SLC24A3: variants seen among roughly 807,000 people sequenced by gnomAD.
SLC24A3 encodes the protein solute carrier family 24 member 3, also known as sodium/potassium/calcium exchanger 3.
Under a neutral mutation model 75.8 loss-of-function variants are expected in SLC24A3, and 28 were observed. The ratio of observed to expected loss-of-function variants is 0.37; its 90% CI spans 0.27 to 0.51. The LOEUF is 0.51. Ranked by LOEUF, SLC24A3 falls within the 20% of genes least tolerant of loss-of-function variation. SLC24A3 has a pLI of 0.94. For missense variants in SLC24A3, 663 were observed against 847.8 expected, an observed-to-expected ratio of 0.78 and a Z score of 2.71; for synonymous variants, 372 against 334.1, an observed-to-expected ratio of 1.11 and a Z score of -1.24.
chr20:19,257,829 ATT>A (rs1982862462), intron 1 of SLC24A3: 1 of 151,942 alleles, frequency 6.6e-6, no homozygotes, highest in African/African-American at 2.4e-5. Context: ...GCTTCTTTTG[ATT>A]TTTATATTTT....
chr20:19,315,879 C>G (rs1984573949), intron 2 of SLC24A3, among the ~76,000 whole-genome samples: 1 of 152,220 alleles, frequency 6.6e-6, no homozygotes, highest in South Asian at 2.1e-4. Context: ...GCATTTAATA[C>G]ATCTAACCTA....
At chr20:19,219,038 A>G (rs1250732532) in intron 1 of SLC24A3, among the ~76,000 whole-genome samples, 2 of 151,708 alleles carry the variant, frequency 1.3e-5, no homozygotes, top group African/African-American at 4.8e-5. Context: ...GCAATTATTT[A>G]TATTTATTGT....
chr20:19,534,284 C>T (rs750605344), intron 3 of SLC24A3, among the ~76,000 whole-genome samples: 3 of 152,224 alleles, frequency 2.0e-5, no homozygotes, highest in Non-Finnish European at 4.4e-5. Context: ...GTGGCCAGTC[C>T]ACTGGCCTCA....
chr20:19,603,115 A>G (rs1364369791), intron 6 of SLC24A3, among the ~76,000 whole-genome samples: 1 of 152,212 alleles, frequency 6.6e-6, no homozygotes, highest in Non-Finnish European at 1.5e-5. Context: ...TTCATCTACC[A>G]AAGTCCCAAG....
chr20:19,453,633 A>G (rs1488422753), intron 2 of SLC24A3, among the ~76,000 whole-genome samples: 3 of 152,200 alleles, frequency 2.0e-5, no homozygotes, highest in Non-Finnish European at 2.9e-5. Flanking sequence ...GTCAGTGTTG[A>G]AGTTCTACTT....
At chr20:19,639,957 C>T (rs1258068528) in intron 6 of SLC24A3, among the ~76,000 whole-genome samples, 6 of 152,254 alleles carry the variant, frequency 3.9e-5, no homozygotes, top group Admixed American at 2.0e-4. Flanking sequence ...CACGCCCACC[C>T]GGAACTCCAG....
intron 2 of SLC24A3, among the ~76,000 whole-genome samples, chr20:19,417,954 A>G (rs916079484): frequency 6.6e-6 from 1 of 152,158 alleles, no homozygotes; most frequent in African/African-American, 2.4e-5. Context: ...GGAGAAACCA[A>G]TCTGCTCAAA....
At chr20:19,585,653 C>A in intron 6 of SLC24A3, 109 bp downstream of exon 6, 1 of 1,079,900 alleles carries the variant, frequency 9.3e-7, no homozygotes, top group Non-Finnish European at 1.4e-6. Context: ...CATTAGGGCC[C>A]AGTGGTTTGG....
intron 2 of SLC24A3, among the ~76,000 whole-genome samples, chr20:19,370,688 A>T (rs1020902874): frequency 6.6e-6 from 1 of 152,246 alleles, no homozygotes; most frequent in Non-Finnish European, 1.5e-5. Flanking sequence ...AATCAGGTAG[A>T]GTAAAAATTT....
intron 1 of SLC24A3, among the ~76,000 whole-genome samples, chr20:19,242,058 A>G (rs1883941): frequency 0.16 from 24,285 of 152,086 alleles, 3,565 homozygotes; most frequent in East Asian, 0.81. Flanking sequence ...ATCTCTGTGT[A>G]CCTCAATGCT....
chr20:19,500,723 G>A (rs186456542), intron 2 of SLC24A3, among the ~76,000 whole-genome samples: 95 of 152,276 alleles, frequency 6.2e-4, no homozygotes, highest in African/African-American at 2.3e-3. Context: ...CCCACCCACT[G>A]CATGAACTCA....
intron 2 of SLC24A3, among the ~76,000 whole-genome samples, chr20:19,281,751 TCA>T (rs1983669815): frequency 6.6e-6 from 1 of 152,100 alleles, no homozygotes; most frequent in Non-Finnish European, 1.5e-5. Flanking sequence ...AGACCTGGAG[TCA>T]GTAAACTTGT....
chr20:19,464,064 T>G (rs1987723807), intron 2 of SLC24A3, among the ~76,000 whole-genome samples: 1 of 152,240 alleles, frequency 6.6e-6, no homozygotes, highest in Non-Finnish European at 1.5e-5. Flanking sequence ...GTTAGTAGTT[T>G]TTATTCACCA....
chr20:19,448,168 G>T (rs571897879), intron 2 of SLC24A3, among the ~76,000 whole-genome samples: 3 of 152,328 alleles, frequency 2.0e-5, no homozygotes, highest in East Asian at 3.9e-4. Context: ...TGCCAGGATG[G>T]CTAGACCTGG....
At chr20:19,315,639 C>T (rs1395989167) in intron 2 of SLC24A3, among the ~76,000 whole-genome samples, 1 of 152,156 alleles carries the variant, frequency 6.6e-6, no homozygotes, top group South Asian at 2.1e-4. Flanking sequence ...CTGCTGTGCT[C>T]AGGTCATGAT....
intron 1 of SLC24A3, chr20:19,244,196 C>A: frequency 6.6e-6 from 1 of 152,286 alleles, no homozygotes. Flanking sequence ...CTTCTGCATT[C>A]ATCTTAATTC....
chr20:19,361,471 C>A lies in SLC24A3; in HGVS notation c.271+80384C>A, dbSNP rs73902330. On this transcript the variant is annotated intron_variant, in intron 2 of 16. Coordinates refer to ENST00000328041, the MANE Select transcript of SLC24A3 (RefSeq NM_020689.4). ...AAGGAAAAGCTGTAGAAAGTAGGATCCTAAGGAAGTGACAGTGGGATTGAC... is the reference window on the plus strand; with the variant it reads ...AAGGAAAAGCTGTAGAAAGTAGGATACTAAGGAAGTGACAGTGGGATTGAC... 2.6e-3 allele frequency among the ~76,000 whole-genome samples: 399 copies of A among 152,276 alleles called. 3 individuals carry two copies. Among genetic ancestry groups the A allele is most frequent in the African/African-American group, 9.4e-3 (389 of 41,554 alleles).
intron 2 of SLC24A3, among the ~76,000 whole-genome samples, chr20:19,373,362 C>T (rs188465415): frequency 8.0e-4 from 122 of 152,322 alleles, no homozygotes; most frequent in Middle Eastern, 6.8e-3. Flanking sequence ...AATGGTCTGA[C>T]GTCAGGGTGG....
At chr20:19,401,163 A>G (rs1986546320) in intron 2 of SLC24A3, among the ~76,000 whole-genome samples, 1 of 152,180 alleles carries the variant, frequency 6.6e-6, no homozygotes, top group African/African-American at 2.4e-5. Flanking sequence ...TGAGATTGTC[A>G]AAAGAATCAT....
Sources: allele counts gnomAD v4.1 joint callset (sites outside exome capture counted in the v4.1 genomes callset), GRCh38; gene constraint gnomAD v4.1.1; transcripts MANE v1.5; gene names NCBI Gene and HGNC (gene_info 2026-07-23, HGNC 2026-07-21).